Variants in NELL1 observed in about 807,000 individuals in gnomAD.
The protein encoded by NELL1 is protein kinase C-binding protein NELL1.
Under a neutral mutation model 107.4 loss-of-function variants are expected in NELL1, and 76 were observed. That is an observed-to-expected ratio of 0.71 (90% CI 0.59 to 0.86). The LOEUF (loss-of-function observed/expected upper bound fraction) is 0.86, where lower values mean the gene tolerates loss of function less well. Ranked by LOEUF, NELL1 falls within the 40% of genes least tolerant of loss-of-function variation. NELL1 has a pLI of 0.00. For synonymous variants in NELL1, 353 were observed against 341.2 expected (o/e 1.03, Z -0.38); for missense variants, 1,024 against 1,005.5 (o/e 1.02, Z -0.25).
At chr11:20,892,240 C>G (rs1484241245) in intron 5 of NELL1, among the ~76,000 whole-genome samples, 1 of 152,174 alleles carries the variant, frequency 6.6e-6, no homozygotes, top group Non-Finnish European at 1.5e-5. Flanking sequence ...TTCATGAAAT[C>G]TGAACAATGT....
intron 15 of NELL1, among the ~76,000 whole-genome samples, chr11:21,404,480 C>G (rs1852187212): frequency 6.6e-6 from 1 of 151,820 alleles, no homozygotes; most frequent in Admixed American, 6.6e-5. Flanking sequence ...TCATAGATTT[C>G]TAGATTTTGA....
intron 15 of NELL1, among the ~76,000 whole-genome samples, chr11:21,409,866 A>G (rs1590910342): frequency 6.6e-6 from 1 of 152,120 alleles, no homozygotes; most frequent in East Asian, 1.9e-4. Context: ...ACACACAAAC[A>G]TATGCATGAC....
intron 12 of NELL1, among the ~76,000 whole-genome samples, chr11:21,079,264 ATATCT>A (rs1231263992): frequency 1.3e-5 from 2 of 152,038 alleles, no homozygotes; most frequent in Admixed American, 1.3e-4. Context: ...CATAAAGCAA[ATATCT>A]TAAGCAAGGA....
intron 14 of NELL1, among the ~76,000 whole-genome samples, chr11:21,287,740 CT>C (rs1358974936): frequency 1.3e-5 from 2 of 152,030 alleles, no homozygotes; most frequent in Non-Finnish European, 2.9e-5. Context: ...CTTTTTACCC[CT>C]CTTCCCATTT....
At chr11:21,331,345 C>T (rs530636397) in intron 14 of NELL1, among the ~76,000 whole-genome samples, 1 of 152,044 alleles carries the variant, frequency 6.6e-6, no homozygotes, top group African/African-American at 2.4e-5. Context: ...GTCCCCTTCC[C>T]TAAAACTGCT....
At chr11:20,840,711 C>G (rs939035340) in intron 3 of NELL1, among the ~76,000 whole-genome samples, 2 of 152,176 alleles carry the variant, frequency 1.3e-5, no homozygotes, top group African/African-American at 4.8e-5. Context: ...TGGAATTCAC[C>G]AAGCATTACT....
chr11:21,544,446 G>T (rs1282481157), intron 16 of NELL1, among the ~76,000 whole-genome samples: 1 of 151,922 alleles, frequency 6.6e-6, no homozygotes, highest in Non-Finnish European at 1.5e-5. Flanking sequence ...AGGGAAGAAA[G>T]TGATTAGAGA....
At chr11:20,697,688 A>G (rs1009304899) in intron 2 of NELL1, among the ~76,000 whole-genome samples, 5 of 152,096 alleles carry the variant, frequency 3.3e-5, no homozygotes, top group African/African-American at 1.2e-4. Flanking sequence ...CCTAATTCAG[A>G]ATAAAAGAGA....
intron 3 of NELL1, among the ~76,000 whole-genome samples, chr11:20,832,488 A>G (rs759582198): frequency 2.6e-4 from 39 of 152,188 alleles, no homozygotes; most frequent in Non-Finnish European, 2.1e-4. Context: ...TGTCTTTAGA[A>G]CCTAGCAAAG....
intron 15 of NELL1, among the ~76,000 whole-genome samples, chr11:21,517,727 G>T (rs1017600133): frequency 1.3e-5 from 2 of 152,044 alleles, no homozygotes; most frequent in African/African-American, 2.4e-5. Context: ...TACAGCAAAT[G>T]GTCATGGGCA....
intron 13 of NELL1, among the ~76,000 whole-genome samples, chr11:21,118,644 TTCCTTTATTTGACTCCGGA>T (rs1406082430): frequency 1.3e-5 from 2 of 152,114 alleles, no homozygotes; most frequent in African/African-American, 2.4e-5. Context: ...CCTAAAGGCA[TTCCTTTATTTGACTCCGGA>T]TCCTGATATA....
chr11:21,336,754 T>G (rs1046239302), intron 14 of NELL1, among the ~76,000 whole-genome samples: 4 of 151,776 alleles, frequency 2.6e-5, no homozygotes, highest in African/African-American at 9.7e-5. Context: ...TTTTACTGTC[T>G]GTTTTTCACT....
chr11:20,993,177 A>G (rs557118491), intron 12 of NELL1, among the ~76,000 whole-genome samples: 1 of 151,628 alleles, frequency 6.6e-6, no homozygotes, highest in South Asian at 2.1e-4. Context: ...ATTTTCCTTG[A>G]CTCCCCAGGC....
intron 14 of NELL1, among the ~76,000 whole-genome samples, chr11:21,320,510 A>G (rs1187132122): frequency 6.6e-6 from 1 of 152,154 alleles, no homozygotes; most frequent in African/African-American, 2.4e-5. Context: ...AACTCAATGC[A>G]CTTTCTTATA....
chr11:21,134,214 G>T (rs1855690488), intron 13 of NELL1, among the ~76,000 whole-genome samples: 1 of 152,206 alleles, frequency 6.6e-6, no homozygotes, highest in Non-Finnish European at 1.5e-5. Context: ...TGGTGTGAAT[G>T]ACCAAGGAGG....
At chr11:21,543,295 A>G (rs1032622737) in intron 16 of NELL1, among the ~76,000 whole-genome samples, 13 of 152,076 alleles carry the variant, frequency 8.5e-5, no homozygotes, top group African/African-American at 3.1e-4. Context: ...GTATTATTGA[A>G]GAGCCTTGCT....
At chr11:20,702,348 C>T (rs1322767539) in intron 2 of NELL1, among the ~76,000 whole-genome samples, 3 of 152,130 alleles carry the variant, frequency 2.0e-5, no homozygotes, top group Middle Eastern at 3.4e-3. Context: ...GTGATTTTTG[C>T]ACATTGATTT....
chr11:21,170,386 AG>A (rs1265014078), intron 13 of NELL1, among the ~76,000 whole-genome samples: 1 of 151,772 alleles, frequency 6.6e-6, no homozygotes, highest in East Asian at 1.9e-4. Flanking sequence ...ACAGAGATAC[AG>A]GGACACACAC....
At chr11:21,149,392 T>A (rs548604312) in intron 13 of NELL1, among the ~76,000 whole-genome samples, 60 of 152,360 alleles carry the variant, frequency 3.9e-4, no homozygotes, top group Non-Finnish European at 2.2e-4. Flanking sequence ...TGGGGAGGCC[T>A]CACAATCATG....
Sources: allele counts gnomAD v4.1 joint callset (sites outside exome capture counted in the v4.1 genomes callset), GRCh38; gene constraint gnomAD v4.1.1; transcripts MANE v1.5; gene names NCBI Gene and HGNC (gene_info 2026-07-23, HGNC 2026-07-21).